RNF216: variants seen among roughly 807,000 people sequenced by gnomAD.
The protein encoded by RNF216 is E3 ubiquitin-protein ligase RNF216.
In RNF216, 72 loss-of-function variants were observed where a neutral mutation model predicts 110.8. The observed-to-expected ratio is 0.65, with a 90% CI of 0.54 to 0.79. The LOEUF is 0.79. Among genes scored for constraint, RNF216 ranks in the 30% least tolerant of loss-of-function variants. The pLI is 0.00. For synonymous variants in RNF216, 495 were observed against 407.5 expected, an observed-to-expected ratio of 1.21 and a Z score of -2.59; for missense variants, 1,342 against 1,141.2, an observed-to-expected ratio of 1.18 and a Z score of -2.54.
chr7:5,735,967 C>A (rs1158403885), intron 5 of RNF216, among the ~76,000 whole-genome samples: 2 of 152,198 alleles, frequency 1.3e-5, no homozygotes, highest in Non-Finnish European at 2.9e-5. Context: ...ATGGCGCATG[C>A]CTGTAATCCC....
At chr7:5,724,362 C>T (rs1047762612) in intron 8 of RNF216, among the ~76,000 whole-genome samples, 4 of 152,242 alleles carry the variant, frequency 2.6e-5, no homozygotes, top group African/African-American at 9.6e-5. Context: ...AAAGACAGAG[C>T]TGACCAACAA....
chr7:5,624,203 C>T lies in RNF216; in HGVS notation c.2383-78G>A, dbSNP rs1294093007. ...GCCCCGTGGGACAGTGAGGAGGCCG[C>T]TTGTTGCTTATGGCCATGGAACAAG... On this transcript the variant is annotated intron_variant, in intron 15 of 16. Coordinates refer to ENST00000389902, the MANE Select transcript of RNF216 (RefSeq NM_207111.4). This position sits in a 1 kb window ranked among gnomAD's most constrained non-coding sequence, Gnocchi z 4.4. The T allele has an allele frequency of 1.6e-6, 2 of 1,252,338 alleles. No homozygotes were observed. Among genetic ancestry groups the T allele is most frequent in the African/African-American group, 1.5e-5 (1 of 68,276 alleles). 77.6% of individuals were successfully genotyped at this position (1,252,338 alleles called of 1,614,324 possible).
chr7:5,632,162 T>A (rs1787113338), intron 15 of RNF216, among the ~76,000 whole-genome samples: 1 of 152,204 alleles, frequency 6.6e-6, no homozygotes, highest in Non-Finnish European at 1.5e-5. Flanking sequence ...CTATTTGAGA[T>A]CTGAGTTCCT....
chr7:5,734,490 TTTTC>T (rs1794275790), intron 5 of RNF216, among the ~76,000 whole-genome samples: 2 of 152,278 alleles, frequency 1.3e-5, no homozygotes, highest in South Asian at 4.1e-4. Context: ...CTTTGTTCAT[TTTTC>T]TTTATGTATA....
intron 1 of RNF216, 148 bp from the exon 2 acceptor site, chr7:5,761,286 A>T: frequency 2.1e-6 from 1 of 468,738 alleles, no homozygotes. Context: ...AAAAAAAACC[A>T]CACAAACTCA....
At position 5,709,659 on chromosome 7, in the gene RNF216, G is replaced by A. The variant is rs577804751; in HGVS notation, c.2061+2102C>T. On this transcript the variant is annotated intron_variant, in intron 13 of 16. Transcript: ENST00000389902. Reference sequence around the variant, plus strand: ...AAACATATGTGGTGTTCCTATTTGGGATCTTAAGAGCCCCTGGGAAGCTCC... The same window carrying A: ...AAACATATGTGGTGTTCCTATTTGGAATCTTAAGAGCCCCTGGGAAGCTCC... Among the ~76,000 whole-genome samples, 30 of 152,262 alleles carry A rather than the reference G, an allele frequency of 2.0e-4. No individual in the cohort carries two copies. The South Asian group carries it at 2.1e-3, about 11-fold the overall frequency.
intron 5 of RNF216, among the ~76,000 whole-genome samples, chr7:5,733,572 T>C (rs1392592007): frequency 1.3e-5 from 2 of 151,316 alleles, no homozygotes; most frequent in African/African-American, 4.9e-5. Flanking sequence ...CATTGTTCTA[T>C]AAATGAGCTA....
At chr7:5,723,516 G>A (rs563521972) in intron 8 of RNF216, among the ~76,000 whole-genome samples, 14 of 151,948 alleles carry the variant, frequency 9.2e-5, no homozygotes, top group Middle Eastern at 3.4e-3. Flanking sequence ...ACTCGGTGGC[G>A]GGCACCTGTA....
chr7:5,744,374 A>G (rs1340828039), intron 3 of RNF216, among the ~76,000 whole-genome samples: 1 of 152,214 alleles, frequency 6.6e-6, no homozygotes, highest in Non-Finnish European at 1.5e-5. Flanking sequence ...GAACACGTCA[A>G]GAACAAAAAG....
chr7:5,654,806 T>A lies in RNF216; in HGVS notation c.2062-2296A>T, dbSNP rs929884065. On this transcript the variant is annotated intron_variant, in intron 13 of 16. Transcript: ENST00000389902. Reference sequence around the variant, plus strand: ...GCTTCCGAGGGATGCGGATATGCTCTGTTCCCTCACCTACATCCCATTCAG... The same window carrying A: ...GCTTCCGAGGGATGCGGATATGCTCAGTTCCCTCACCTACATCCCATTCAG... Among the ~76,000 whole-genome samples, 83 of 151,788 alleles carry A rather than the reference T, an allele frequency of 5.5e-4. 1 individual carries two copies. Among genetic ancestry groups the A allele is most frequent in the African/African-American group, 2.0e-3 (81 of 41,306 alleles).
chr7:5,742,524 C>A (rs541901357), intron 3 of RNF216, among the ~76,000 whole-genome samples: 1 of 151,212 alleles, frequency 6.6e-6, no homozygotes, highest in Non-Finnish European at 1.5e-5. Context: ...ATTTTTTTCC[C>A]TGTAAGACCG....
At chr7:5,775,688 G>A (rs554524073) in intron 1 of RNF216, among the ~76,000 whole-genome samples, 2 of 151,940 alleles carry the variant, frequency 1.3e-5, no homozygotes, top group African/African-American at 2.4e-5. Context: ...TGGCCAACAC[G>A]GTAAAACCTG....
intron 13 of RNF216, among the ~76,000 whole-genome samples, chr7:5,709,863 T>C (rs565077524): frequency 5.9e-5 from 9 of 152,330 alleles, no homozygotes; most frequent in Non-Finnish European, 1.3e-4. Flanking sequence ...CAACTGATTG[T>C]CCTGCCTCAG....
rs1291967194 is a variant in RNF216, at chr7:5,652,422, C to T, written c.2150G>A (p.Arg717His). Residue 717 changes from arginine (R) to histidine (H), a missense_variant, in exon 14 of 17, where the codon CGT becomes CAT. Coordinates refer to ENST00000389902, the MANE Select transcript of RNF216 (RefSeq NM_207111.4). ...GAATTCTGTTACTCACATAGAGGTACGGTACTTGATGTCGTCTTTTTCAGC... is the reference window on the plus strand; with the variant it reads ...GAATTCTGTTACTCACATAGAGGTATGGTACTTGATGTCGTCTTTTTCAGC... Reference protein sequence around the residue: ...ELAEKDDIKYRTSIEEKMTAA... With the variant: ...ELAEKDDIKYHTSIEEKMTAA... 2.5e-6 allele frequency: 4 copies of T among 1,609,732 alleles called. No homozygotes were observed. Among genetic ancestry groups the T allele is most frequent in the Non-Finnish European group, 2.6e-6 (3 of 1,176,108 alleles).
At chr7:5,682,908 A>T (rs1790750436) in intron 13 of RNF216, among the ~76,000 whole-genome samples, 1 of 152,164 alleles carries the variant, frequency 6.6e-6, no homozygotes, top group African/African-American at 2.4e-5. Flanking sequence ...GCATTGCGTT[A>T]ATGTAGCATC....
Position 5,711,830 on chromosome 7 carries a change from G to A in RNF216, c.1992C>T (p.Ser664=). The change falls in exon 13 of 17, where the codon TCC becomes TCT. Residue 664 remains serine, a synonymous_variant. Transcript: ENST00000389902. ...TGTCCAACAGAGCCGGAAAGCTACA[G>A]GACGGGCACCTAGAGTCAGAACAGC... The part of the protein sequence containing the change: ...AYADELVRCP[S]CSFPALLDSD... The A allele has an allele frequency of 1.2e-6, 2 of 1,613,892 alleles. No individual in the cohort carries two copies. The highest frequency in any genetic ancestry group is 1.7e-6 in the Non-Finnish European group (2 of 1,179,912).
At chr7:5,766,479 T>C (rs1796215284) in intron 1 of RNF216, among the ~76,000 whole-genome samples, 1 of 151,744 alleles carries the variant, frequency 6.6e-6, no homozygotes, top group South Asian at 2.1e-4. Flanking sequence ...GCCCTCATGA[T>C]GGCTGGGCAC....
chr7:5,639,443 C>T (rs912629955), intron 15 of RNF216, among the ~76,000 whole-genome samples: 5 of 152,048 alleles, frequency 3.3e-5, no homozygotes, highest in Non-Finnish European at 7.4e-5. Flanking sequence ...CGGGATTACA[C>T]CCATGAGCCA....
chr7:5,762,695 A>G (rs1040050085), intron 1 of RNF216, among the ~76,000 whole-genome samples: 1 of 151,784 alleles, frequency 6.6e-6, no homozygotes, highest in African/African-American at 2.4e-5. Flanking sequence ...CTGTCTCGAA[A>G]ACAAACAAAC....
Sources: allele counts gnomAD v4.1 joint callset (sites outside exome capture counted in the v4.1 genomes callset), GRCh38; gene constraint gnomAD v4.1.1; non-coding constraint Gnocchi (gnomAD v3.1); transcripts MANE v1.5; gene names NCBI Gene and HGNC (gene_info 2026-07-23, HGNC 2026-07-21).